The following ACER2 variants were observed in gnomAD, a reference collection of about 807,000 sequenced individuals.
ACER2 encodes alkaline ceramidase 2.
A neutral mutation model predicts 34.7 loss-of-function variants in ACER2; 26 were observed. The ratio of observed to expected loss-of-function variants is 0.75; its 90% CI spans 0.55 to 1.04. ACER2 has a LOEUF of 1.04. Ranked by LOEUF, ACER2 falls within the 50% of genes least tolerant of loss-of-function variation. The pLI, the probability that ACER2 is intolerant of heterozygous loss-of-function variation, is 0.00. For missense variants in ACER2, 352 were observed against 340.8 expected (o/e 1.03, Z -0.26); for synonymous variants, 138 against 132.1 (o/e 1.04, Z -0.31).
chr9:19,449,911 A>T (rs7873719), intron 5 of ACER2, among the ~76,000 whole-genome samples: 2 of 147,782 alleles, frequency 1.4e-5, no homozygotes, highest in African/African-American at 5.2e-5. Context: ...AAAAAAAAAA[A>T]GGATTACATG....
chr9:19,448,220 C>T (rs904065791), intron 5 of ACER2, among the ~76,000 whole-genome samples: 1 of 151,996 alleles, frequency 6.6e-6, no homozygotes, highest in African/African-American at 2.4e-5. Flanking sequence ...GCCATGTTGC[C>T]CAGGCTAGTC....
chr9:19,419,462 G>C (rs1441908290), intron 1 of ACER2, among the ~76,000 whole-genome samples: 1 of 152,112 alleles, frequency 6.6e-6, no homozygotes, highest in East Asian at 1.9e-4. Flanking sequence ...AGAAAGATCC[G>C]CAACAAAGTG....
intron 5 of ACER2, among the ~76,000 whole-genome samples, chr9:19,449,355 C>T (rs1831483417): frequency 6.6e-6 from 1 of 152,140 alleles, no homozygotes; most frequent in African/African-American, 2.4e-5. Flanking sequence ...CCACCCTGAC[C>T]CTGATTAATT....
chr9:19,433,557 T>A (rs1368300043), intron 3 of ACER2, among the ~76,000 whole-genome samples: 1 of 152,222 alleles, frequency 6.6e-6, no homozygotes, highest in Non-Finnish European at 1.5e-5. Context: ...TCTACCTCTT[T>A]CTACACAGAC....
In ACER2 at chr9:19,435,012, C is replaced by G; in HGVS notation, c.431C>G (p.Pro144Arg). Residue 144 changes from proline to arginine, a missense_variant, in exon 4 of 6, where the codon CCT becomes CGT. Transcript: ENST00000340967. ...ACGACGTGCCTGGCATTTGTCAAGCCTGCCATCAACAACATCTCTCTGATG... is the reference window on the plus strand; with the variant it reads ...ACGACGTGCCTGGCATTTGTCAAGCGTGCCATCAACAACATCTCTCTGATG... ...AVTTCLAFVK[P>R]AINNISLMTL... The G allele has an allele frequency of 1.2e-6, 2 of 1,614,146 alleles. No homozygotes were observed. Among genetic ancestry groups the G allele is most frequent in the Non-Finnish European group, 1.7e-6 (2 of 1,180,024 alleles).
intron 4 of ACER2, among the ~76,000 whole-genome samples, chr9:19,439,890 C>T (rs936272016): frequency 1.3e-5 from 2 of 152,162 alleles, no homozygotes; most frequent in Admixed American, 6.5e-5. Context: ...TCACTTGAAT[C>T]CAGGAGGCGG....
At position 19,409,111 on chromosome 9, in the gene ACER2, G is replaced by C; in HGVS notation, c.27G>C (p.Gln9His). The C allele has an allele frequency of 6.2e-7, 1 of 1,602,736 alleles. No individual in the cohort carries two copies. Among genetic ancestry groups the C allele is most frequent in the South Asian group, 1.1e-5 (1 of 88,782 alleles). Reference protein sequence around the residue: MGAPHWWDQLQAGSSEVDW... With the variant: MGAPHWWDHLQAGSSEVDW... ...TGGGCGCCCCGCACTGGTGGGACCA[G>C]CTGCAGGCTGGTAGCTCGGAGGTGG... is the stretch of plus-strand genomic sequence containing the variant. Residue 9 changes from glutamine to histidine, a missense_variant, in exon 1 of 6, where the codon CAG becomes CAC. Gln to His is a conservative substitution (Grantham distance 24, BLOSUM62 0). Coordinates refer to ENST00000340967, the MANE Select transcript of ACER2 (RefSeq NM_001010887.3).
intron 4 of ACER2, 133 bp from the exon 5 acceptor site, chr9:19,446,148 G>A: frequency 8.0e-7 from 1 of 1,248,278 alleles, no homozygotes; most frequent in Non-Finnish European, 1.2e-6. Context: ...GAGTGACTGT[G>A]TGTTGGGTAA....
Position 19,450,568 on chromosome 9 carries a change from G to T in ACER2, c.760G>T (p.Ala254Ser), listed in dbSNP as rs1157389028. ...CAAGTTCTGGCCCAATGAGAAATGGGCCTTCATTGGTGTCCCCTATGTGTC... is the reference window on the plus strand; with the variant it reads ...CAAGTTCTGGCCCAATGAGAAATGGTCCTTCATTGGTGTCCCCTATGTGTC... ...VIKFWPNEKW[A>S]FIGVPYVSLL... Residue 254 changes from alanine (A) to serine (S), a missense_variant, in exon 6 of 6, where the codon GCC becomes TCC. Physicochemically the swap from Ala to Ser is moderately conservative, Grantham distance 99. Coordinates refer to ENST00000340967, the MANE Select transcript of ACER2 (RefSeq NM_001010887.3). 1.9e-6 allele frequency: 3 copies of T among 1,609,354 alleles called. No individual in the cohort carries two copies. Among genetic ancestry groups the T allele is most frequent in the South Asian group, 1.1e-5 (1 of 90,690 alleles).
At chr9:19,422,296 C>T in intron 1 of ACER2, among the ~76,000 whole-genome samples, 1 of 150,468 alleles carries the variant, frequency 6.6e-6, no homozygotes, top group East Asian at 1.9e-4. Context: ...AATACCCTGT[C>T]TCTAAGAAAA....
chr9:19,419,220 A>C (rs1251906569), intron 1 of ACER2, among the ~76,000 whole-genome samples: 2 of 152,208 alleles, frequency 1.3e-5, no homozygotes, highest in Non-Finnish European at 2.9e-5. Flanking sequence ...AACCTACTGC[A>C]TATACAGTAT....
At chr9:19,450,089 T>G in intron 5 of ACER2, 17 of 575,320 alleles carry the variant, frequency 3.0e-5, no homozygotes, top group Non-Finnish European at 3.5e-5. Flanking sequence ...GTTGTTAAAG[T>G]GAGAAGGTGG....
intron 1 of ACER2, among the ~76,000 whole-genome samples, chr9:19,422,012 G>A (rs895097752): frequency 6.6e-5 from 10 of 152,042 alleles, no homozygotes; most frequent in East Asian, 1.9e-4. Context: ...GGCTGGACGC[G>A]GTGACTCATG....
chr9:19,448,211 C>T (rs1247283901), intron 5 of ACER2, among the ~76,000 whole-genome samples: 2 of 151,994 alleles, frequency 1.3e-5, no homozygotes, highest in Non-Finnish European at 2.9e-5. Context: ...TGGATTTTTG[C>T]CATGTTGCCC....
At chr9:19,411,802 G>T (rs1297341275) in intron 1 of ACER2, among the ~76,000 whole-genome samples, 1 of 152,144 alleles carries the variant, frequency 6.6e-6, no homozygotes, top group Non-Finnish European at 1.5e-5. Flanking sequence ...TTCTTAATGG[G>T]TCTTAGGGGT....
chr9:19,439,900 G>T (rs1831093197), intron 4 of ACER2, among the ~76,000 whole-genome samples: 1 of 152,182 alleles, frequency 6.6e-6, no homozygotes, highest in Non-Finnish European at 1.5e-5. Flanking sequence ...CCAGGAGGCG[G>T]AGGTTGTGGT....
intron 1 of ACER2, among the ~76,000 whole-genome samples, 173 bp downstream of exon 1, chr9:19,409,365 T>C (rs368370574): frequency 6.6e-6 from 1 of 152,182 alleles, no homozygotes; most frequent in South Asian, 2.1e-4. Context: ...TCTCCATCTG[T>C]CCTCCTCTCC....
chr9:19,451,697 G>C lies in ACER2; in HGVS notation c.*1061G>C, dbSNP rs1589075986. ...ATTCCCACAGACCCACCATCTTTAAGACTTGACCTCTGTAAGTTTACCAAA... is the reference window on the plus strand; with the variant it reads ...ATTCCCACAGACCCACCATCTTTAACACTTGACCTCTGTAAGTTTACCAAA... On this transcript the variant is annotated 3_prime_UTR_variant, in exon 6 of 6. Transcript: ENST00000340967. 1.3e-5 allele frequency: 2 copies of C among 152,306 alleles called. No homozygotes were observed. Among genetic ancestry groups the C allele is most frequent in the East Asian group, 3.9e-4 (2 of 5,178 alleles). 9.4% of individuals were successfully genotyped at this position (152,306 alleles called of 1,614,324 possible).
chr9:19,425,835 G>C (rs1331774361), intron 3 of ACER2, among the ~76,000 whole-genome samples: 1 of 152,156 alleles, frequency 6.6e-6, no homozygotes, highest in African/African-American at 2.4e-5. Context: ...TGGCTAAATA[G>C]TCTGAAACTA....
Sources: gnomAD v4.1 joint callset for allele counts (sites outside exome capture counted in the v4.1 genomes callset) on GRCh38, gnomAD v4.1.1 for gene constraint, MANE v1.5 for transcripts, NCBI Gene and HGNC (gene_info 2026-07-23, HGNC 2026-07-21) for gene names.